The following PDZRN4 variants were observed in gnomAD, a reference collection of about 807,000 sequenced individuals.
PDZRN4 encodes the protein PDZ domain-containing RING finger protein 4.
PDZRN4 carries 70 observed loss-of-function variants against 99.0 expected under a neutral mutation model. The observed-to-expected ratio is 0.71, with a 90% confidence interval of 0.58 to 0.86. The LOEUF (loss-of-function observed/expected upper bound fraction) is 0.86. Ranked by LOEUF, PDZRN4 falls within the 40% of genes least tolerant of loss-of-function variation. The probability of loss-of-function intolerance (pLI) is 0.00; values close to 1 mark genes in which losing one functional copy is unlikely to be tolerated. For synonymous variants in PDZRN4, 551 were observed against 501.6 expected (o/e 1.10, Z -1.32); for missense variants, 1,474 against 1,331.2 (o/e 1.11, Z -1.67).
At chr12:41,393,729 T>G (rs1463850538) in intron 3 of PDZRN4, among the ~76,000 whole-genome samples, 1 of 152,202 alleles carries the variant, frequency 6.6e-6, no homozygotes, top group African/African-American at 2.4e-5. Flanking sequence ...TGACTGAGAT[T>G]ACTTAATGAT....
chr12:41,538,060 AGAGAT>A lies in PDZRN4; in HGVS notation c.1204-14592_1204-14588del, dbSNP rs563361451. 2.2e-4 allele frequency among the ~76,000 whole-genome samples: 33 copies of A among 152,334 alleles called. 1 individual carries two copies. Among genetic ancestry groups the A allele is most frequent in the African/African-American group, 7.0e-4 (29 of 41,590 alleles). On this transcript the variant is annotated intron_variant, in intron 5 of 9. Coordinates refer to ENST00000402685, the MANE Select transcript of PDZRN4 (RefSeq NM_001164595.2). ...GTTGATCAGGTAGGAGAGAAAGAAA[AGAGAT>A]GAGCAGATTTTATGGTGTATCCATT...
chr12:41,485,369 C>A (rs992699767), intron 3 of PDZRN4, among the ~76,000 whole-genome samples: 4 of 152,268 alleles, frequency 2.6e-5, no homozygotes, highest in African/African-American at 9.6e-5. Context: ...TAGAGACTAG[C>A]TATTCCTGTG....
chr12:41,493,237 C>T (rs1310329883), intron 3 of PDZRN4, among the ~76,000 whole-genome samples: 2 of 152,086 alleles, frequency 1.3e-5, no homozygotes, highest in Admixed American at 1.3e-4. Flanking sequence ...ATAAAATCAT[C>T]GGAGATGCAA....
chr12:41,500,610 G>T (rs1485976677), intron 3 of PDZRN4, among the ~76,000 whole-genome samples: 1 of 151,944 alleles, frequency 6.6e-6, no homozygotes, highest in Non-Finnish European at 1.5e-5. Context: ...GTTAATTTTA[G>T]TCAGGTTTCC....
rs11180945 is a variant in PDZRN4 at position 41,479,835 on chromosome 12, A to G, written c.844-26621A>G. On this transcript the variant is annotated intron_variant, in intron 3 of 9. Transcript: ENST00000402685. ...TTAATTAATGTATGCACATATTAAA[A>G]TACTTTTTATCCTTAAAACCACTCA... is the stretch of plus-strand genomic sequence containing the variant. 3.2e-3 allele frequency among the ~76,000 whole-genome samples: 495 copies of G among 152,336 alleles called. 17 individuals are homozygous for G. In the East Asian group the frequency reaches 0.088, roughly 27 times the overall value.
intron 6 of PDZRN4, among the ~76,000 whole-genome samples, chr12:41,553,527 CAAA>C (rs34859944): frequency 2.0e-5 from 3 of 146,930 alleles, no homozygotes; most frequent in African/African-American, 2.5e-5. Flanking sequence ...TCTGTCTCTA[CAAA>C]AAAAAAAAAA....
At chr12:41,308,819 T>A (rs904852161) in intron 3 of PDZRN4, among the ~76,000 whole-genome samples, 4 of 152,198 alleles carry the variant, frequency 2.6e-5, no homozygotes, top group African/African-American at 9.6e-5. Context: ...ATATTGTTTG[T>A]TTTTATACCT....
rs1565617938 is a variant in PDZRN4 at position 41,567,897 on chromosome 12, C to T, written c.1582C>T (p.Gln528Ter). ...GCAGCCCACTGCCAATGAGGTGGAG[C>T]AGGTAGGGCCAACAATTTGAACTAC... ...AMQPTANEVE[Q>*]PKKQEEEEGT... The change falls in exon 9 of 10, where the codon CAG (glutamine) becomes TAG (stop). Residue 528 changes from glutamine (Q) to a stop codon, truncating the protein, a stop_gained and splice_region_variant. Coordinates refer to ENST00000402685, the MANE Select transcript of PDZRN4 (RefSeq NM_001164595.2). LOFTEE classifies it low-confidence loss of function (END_TRUNC). 6.4e-7 allele frequency: 1 copy of T among 1,556,208 alleles called. No homozygotes were observed. The highest frequency in any genetic ancestry group is 1.1e-5 in the South Asian group (1 of 87,966).
intron 3 of PDZRN4, among the ~76,000 whole-genome samples, chr12:41,434,986 T>C (rs1952616263): frequency 6.6e-6 from 1 of 152,190 alleles, no homozygotes; most frequent in Admixed American, 6.5e-5. Flanking sequence ...TTTAGAGAAC[T>C]CTGGAATTAT....
rs184268853 is a variant in PDZRN4 at position 41,543,814 on chromosome 12, T to G, written c.1204-8842T>G. ...GTCATGAACCTGATTTTGATGGGCT[T>G]GAACTAAATCCTCATTTTTGAAATG... On this transcript the variant is annotated intron_variant, in intron 5 of 9. Coordinates refer to ENST00000402685, the MANE Select transcript of PDZRN4 (RefSeq NM_001164595.2). Among the ~76,000 whole-genome samples the G allele has an allele frequency of 1.1e-4, 17 of 152,312 alleles. No homozygotes were observed. The East Asian group carries it at 2.3e-3, about 21-fold the overall frequency.
At chr12:41,379,138 G>A (rs1050459639) in intron 3 of PDZRN4, among the ~76,000 whole-genome samples, 1 of 151,142 alleles carries the variant, frequency 6.6e-6, no homozygotes, top group Non-Finnish European at 1.5e-5. Context: ...TGTCTAATTT[G>A]TTGATATATG....
intron 3 of PDZRN4, among the ~76,000 whole-genome samples, chr12:41,223,529 A>T (rs1423816093): frequency 6.6e-6 from 1 of 152,232 alleles, no homozygotes; most frequent in Admixed American, 6.5e-5. Flanking sequence ...TGTTTTATTT[A>T]AAAAGTGTAA....
Position 41,302,391 on chromosome 12 carries a change from G to C in PDZRN4, c.843+108203G>C, listed in dbSNP as rs558508521. Among the ~76,000 whole-genome samples the C allele has an allele frequency of 2.6e-5, 4 of 152,048 alleles. No homozygotes were observed. In the South Asian group the frequency reaches 8.3e-4, roughly 32 times the overall value. Reference sequence around the variant, plus strand: ...CTTCTTGTGCATTTTGTTCACCAAAGTATATCCAAGGGAAGGGGTGTACAC... The same window carrying C: ...CTTCTTGTGCATTTTGTTCACCAAACTATATCCAAGGGAAGGGGTGTACAC... On this transcript the variant is annotated intron_variant, in intron 3 of 9. Coordinates refer to ENST00000402685, the MANE Select transcript of PDZRN4 (RefSeq NM_001164595.2).
intron 3 of PDZRN4, among the ~76,000 whole-genome samples, chr12:41,263,807 A>G (rs188922185): frequency 1.3e-3 from 191 of 152,278 alleles, no homozygotes; most frequent in Middle Eastern, 3.4e-3. Context: ...TTACTAGTAT[A>G]AACTATACAA....
At chr12:41,191,066 T>C (rs11180190) in intron 1 of PDZRN4, among the ~76,000 whole-genome samples, 3,513 of 152,282 alleles carry the variant, frequency 0.023, 138 homozygotes, top group African/African-American at 0.08. Context: ...AATTTTACAC[T>C]ATTGATAATT....
chr12:41,200,075 G>C (rs1362161333), intron 3 of PDZRN4, among the ~76,000 whole-genome samples: 1 of 152,126 alleles, frequency 6.6e-6, no homozygotes, highest in Non-Finnish European at 1.5e-5. Flanking sequence ...TTAGTGAAGT[G>C]ACACTGTAGA....
At chr12:41,369,147 C>A (rs564997524) in intron 3 of PDZRN4, among the ~76,000 whole-genome samples, 1 of 152,094 alleles carries the variant, frequency 6.6e-6, no homozygotes, top group East Asian at 1.9e-4. Flanking sequence ...AATCTAATGA[C>A]CCTATCTTTA....
chr12:41,525,208 C>T (rs1938549252), intron 5 of PDZRN4, among the ~76,000 whole-genome samples: 1 of 151,996 alleles, frequency 6.6e-6, no homozygotes, highest in Admixed American at 6.6e-5. Flanking sequence ...GAGAGAGTCC[C>T]AGGGGAGAGA....
At chr12:41,190,938 A>C (rs1950732032) in intron 1 of PDZRN4, among the ~76,000 whole-genome samples, 2 of 152,222 alleles carry the variant, frequency 1.3e-5, no homozygotes, top group South Asian at 4.1e-4. Flanking sequence ...ATATTATTTA[A>C]AATTAGGACT....
Sources: allele counts gnomAD v4.1 joint callset (sites outside exome capture counted in the v4.1 genomes callset), GRCh38; gene constraint gnomAD v4.1.1; transcripts MANE v1.5; gene names NCBI Gene and HGNC (gene_info 2026-07-23, HGNC 2026-07-21).